Variants in SEMA7A observed in about 807,000 individuals in gnomAD.
SEMA7A encodes semaphorin 7A (JohnMiltonHagen blood group).
In SEMA7A, 21 loss-of-function variants were observed where a neutral mutation model predicts 67.5. The ratio of observed to expected loss-of-function variants is 0.31; its 90% CI spans 0.22 to 0.45. The LOEUF (loss-of-function observed/expected upper bound fraction) is 0.45, where lower values mean the gene tolerates loss of function less well. Ranked by LOEUF, SEMA7A falls within the 20% of genes least tolerant of loss-of-function variation. The pLI is 1.00. For synonymous variants in SEMA7A, 364 were observed against 368.5 expected (o/e 0.99, Z 0.14); for missense variants, 774 against 908.6 (o/e 0.85, Z 1.90).
intron 1 of SEMA7A, among the ~76,000 whole-genome samples, chr15:74,424,296 T>C (rs1300692252): frequency 1.3e-5 from 2 of 152,154 alleles, no homozygotes; most frequent in Non-Finnish European, 2.9e-5. Flanking sequence ...TGTTTGGGCC[T>C]GGGTTTTATG....
At position 74,414,431 on chromosome 15, in the gene SEMA7A, C is replaced by G; in HGVS notation, c.1294+116G>C. ...CACATTAACCCCTGACAACTCCAGT[C>G]ACTCAATTATTCCTTCCACATGTAA... On this transcript the variant is annotated intron_variant, in intron 10 of 13. Coordinates refer to ENST00000261918, the MANE Select transcript of SEMA7A (RefSeq NM_003612.5). This position sits in a 1 kb window ranked among gnomAD's most constrained non-coding sequence, Gnocchi z 4.1. 9.2e-7 allele frequency: 1 copy of G among 1,088,112 alleles called. No individual in the cohort carries two copies. Among genetic ancestry groups the G allele is most frequent in the Non-Finnish European group, 1.4e-6 (1 of 726,772 alleles). 67.4% of individuals were successfully genotyped at this position (1,088,112 alleles called of 1,614,324 possible).
At chr15:74,432,629 C>T (rs919797748) in intron 1 of SEMA7A, among the ~76,000 whole-genome samples, 3 of 152,066 alleles carry the variant, frequency 2.0e-5, no homozygotes, top group African/African-American at 7.2e-5. Context: ...ATAATACCTG[C>T]CCCAGATAAT....
chr15:74,420,318 G>A (rs553309292), intron 1 of SEMA7A, among the ~76,000 whole-genome samples: 7 of 152,272 alleles, frequency 4.6e-5, no homozygotes, highest in South Asian at 2.1e-4. Context: ...GTGGCCTGGC[G>A]CACTGTGCAG....
At chr15:74,418,209 G>A (rs2141279044) in intron 3 of SEMA7A, 59 bp downstream of exon 3, 1 of 1,540,438 alleles carries the variant, frequency 6.5e-7, no homozygotes. Flanking sequence ...TAGACCCTCA[G>A]GGTCTCCTCT....
Position 74,414,624 on chromosome 15 carries a change from T to C in SEMA7A, c.1217A>G (p.Tyr406Cys). 6.2e-7 allele frequency: 1 copy of C among 1,614,150 alleles called. No individual in the cohort carries two copies. ...GTGGACGGCCACTTTCTGGTAGTGG[T>C]ATTTAGAGTGGAACAATGGCGTCTT... ...PLKTPLFHSK[Y>C]HYQKVAVHRM... The change falls in exon 10 of 14, where the codon TAC becomes TGC. Residue 406 changes from tyrosine to cysteine, a missense_variant. Physicochemically the swap from Tyr to Cys is radical, Grantham distance 194 (BLOSUM62 -2). Around this residue, in one of 2 missense-constraint regions of SEMA7A, gnomAD observed 427 missense variants for 555.4 expected, o/e 0.77. Coordinates refer to ENST00000261918, the MANE Select transcript of SEMA7A (RefSeq NM_003612.5). The surrounding 1 kb of genome is among the most constrained non-coding windows in gnomAD (Gnocchi z 4.1).
At chr15:74,429,718 A>G (rs2061071609) in intron 1 of SEMA7A, among the ~76,000 whole-genome samples, 1 of 151,972 alleles carries the variant, frequency 6.6e-6, no homozygotes, top group African/African-American at 2.4e-5. Flanking sequence ...ACCTATGCCC[A>G]TCTGGACAAG....
chr15:74,418,128 T>C (rs965491853), intron 3 of SEMA7A, 140 bp downstream of exon 3: 10 of 1,147,472 alleles, frequency 8.7e-6, no homozygotes, highest in Admixed American at 3.8e-5. Flanking sequence ...GCTGACGCCA[T>C]CCCCTAAGCA....
chr15:74,432,851 G>A (rs561232170), intron 1 of SEMA7A, among the ~76,000 whole-genome samples: 1 of 152,042 alleles, frequency 6.6e-6, no homozygotes, highest in African/African-American at 2.4e-5. Flanking sequence ...TCAGTTCCTC[G>A]CGGCAGAAAG....
Position 74,414,719 on chromosome 15 carries a change from G to A in SEMA7A, c.1122C>T (p.Pro374=). The change falls in exon 10 of 14, where the codon CCC becomes CCT. Residue 374 remains proline, a synonymous_variant. Coordinates refer to ENST00000261918, the MANE Select transcript of SEMA7A (RefSeq NM_003612.5). The surrounding 1 kb of genome is among the most constrained non-coding windows in gnomAD (Gnocchi z 4.1). ...GKCLPDQQPI[P]TETFQVADRH... is the part of the protein sequence containing the mutation. ...GGTCAGCCACCTGGAAGGTCTCTGTGGGTATCGGCTGCTGGTCTGGGAGGC... is the reference window on the plus strand; with the variant it reads ...GGTCAGCCACCTGGAAGGTCTCTGTAGGTATCGGCTGCTGGTCTGGGAGGC... 4 of 1,614,190 alleles carry A rather than the reference G, an allele frequency of 2.5e-6. No individual in the cohort carries two copies. The highest frequency in any genetic ancestry group is 3.4e-6 in the Non-Finnish European group (4 of 1,180,056).
chr15:74,420,655 C>T (rs992734573), intron 1 of SEMA7A, among the ~76,000 whole-genome samples: 3 of 152,172 alleles, frequency 2.0e-5, no homozygotes, highest in African/African-American at 7.2e-5. Flanking sequence ...CCTGCTCCCC[C>T]TCCCTTCCTG....
chr15:74,410,378 T>G lies in SEMA7A; in HGVS notation c.*246A>C, dbSNP rs1477183713. 2 of 510,122 alleles carry G rather than the reference T, an allele frequency of 3.9e-6. No homozygotes were observed. Among genetic ancestry groups the G allele is most frequent in the East Asian group, 6.3e-5 (2 of 31,838 alleles). 31.6% of individuals were successfully genotyped at this position (510,122 alleles called of 1,614,324 possible). A position where few individuals can be genotyped will look rare whatever the true frequency, so the allele number is the denominator to read the frequency against. On this transcript the variant is annotated 3_prime_UTR_variant, in exon 14 of 14. Transcript: ENST00000261918. This position sits in a 1 kb window ranked among gnomAD's most constrained non-coding sequence, Gnocchi z 7.5. ...AAATATTTTCCAGAAGATAAAGTCT[T>G]GGGTCATCGATGCCCCAGCTTCACA...
intron 1 of SEMA7A, among the ~76,000 whole-genome samples, chr15:74,426,190 G>A (rs375800270): frequency 1.6e-4 from 24 of 152,240 alleles, no homozygotes; most frequent in East Asian, 1.5e-3. Context: ...CAGAAGAATC[G>A]CTTGAACCCA....
rs77220698 is a variant in SEMA7A at position 74,423,643 on chromosome 15, C to A, written c.179-4691G>T. On this transcript the variant is annotated intron_variant, in intron 1 of 13. Coordinates refer to ENST00000261918, the MANE Select transcript of SEMA7A (RefSeq NM_003612.5). This position sits in a 1 kb window ranked among gnomAD's most constrained non-coding sequence, Gnocchi z 4.1. ...AACCTGATAACTAAAGGGAATCACC[C>A]GCCCACCCACCTTCCAGGTGAGGCC... Among the ~76,000 whole-genome samples the A allele has an allele frequency of 6.6e-6, 1 of 152,188 alleles. No homozygotes were observed. Among genetic ancestry groups the A allele is most frequent in the East Asian group, 1.9e-4 (1 of 5,190 alleles).
Position 74,415,036 on chromosome 15 carries a change from A to C in SEMA7A, c.987-90T>G. ...CAGGCCAGCCTTGTGCCTGGCACTG[A>C]GTTGCCAACCACCACTGAAAATGGG... is the stretch of plus-strand genomic sequence containing the variant. On this transcript the variant is annotated intron_variant, in intron 8 of 13. Transcript: ENST00000261918. 2.9e-6 allele frequency: 3 copies of C among 1,029,538 alleles called. No homozygotes were observed. The South Asian group carries it at 4.0e-5, about 14-fold the overall frequency. 63.8% of individuals were successfully genotyped at this position (1,029,538 alleles called of 1,614,324 possible).
intron 6 of SEMA7A, among the ~76,000 whole-genome samples, chr15:74,416,917 T>C (rs1217913100): frequency 1.3e-5 from 2 of 152,184 alleles, no homozygotes; most frequent in Non-Finnish European, 2.9e-5. Flanking sequence ...GCCCTCTTCC[T>C]ACAAAGATGT....
In SEMA7A at chr15:74,415,881, C is replaced by A. The variant is rs756730481; in HGVS notation, c.906G>T (p.Arg302Ser). 2 of 1,614,116 alleles carry A rather than the reference C, an allele frequency of 1.2e-6. No homozygotes were observed. Among genetic ancestry groups the A allele is most frequent in the East Asian group, 4.5e-5 (2 of 44,884 alleles). The change falls in exon 8 of 14, where the codon AGG becomes AGT. Residue 302 changes from arginine to serine, a missense_variant. Transcript: ENST00000261918. ...SDAATNKNFN[R>S]LQDVFLLPDP... is the part of the protein sequence containing the mutation. ...CAGGGAGCAGGAAGACGTCTTGCAG[C>A]CTGTTGAAGTTCTTGTTGGTGGCAG...
intron 1 of SEMA7A, chr15:74,433,522 C>A (rs935651563): frequency 1.7e-6 from 2 of 1,197,004 alleles, no homozygotes; most frequent in Non-Finnish European, 1.0e-6. Context: ...CTCCGGCCCC[C>A]GCCGCTCGCT....
intron 1 of SEMA7A, 134 bp downstream of exon 1, chr15:74,433,607 A>ACGCGGGGACAG (rs1049894344): frequency 1.4e-5 from 18 of 1,270,852 alleles, no homozygotes; most frequent in South Asian, 1.0e-4. Flanking sequence ...CACACGCTCC[A>ACGCGGGGACAG]CGCGGGGACA....
chr15:74,414,954 G>A lies in SEMA7A; in HGVS notation c.987-8C>T. 4 of 1,611,740 alleles carry A rather than the reference G, an allele frequency of 2.5e-6. No individual in the cohort carries two copies. The South Asian group carries it at 3.3e-5, about 13-fold the overall frequency. On this transcript the variant is annotated splice_region_variant and splice_polypyrimidine_tract_variant and intron_variant, in intron 8 of 13. Transcript: ENST00000261918. The surrounding 1 kb of genome is among the most constrained non-coding windows in gnomAD (Gnocchi z 4.1). Reference sequence around the variant, plus strand: ...CAGACGGCTGAGTAGTTCCTGCAGTGACATGGAGACCAGCTCAATGGGGGG... The same window carrying A: ...CAGACGGCTGAGTAGTTCCTGCAGTAACATGGAGACCAGCTCAATGGGGGG...
Sources: gnomAD v4.1 joint callset for allele counts (sites outside exome capture counted in the v4.1 genomes callset) on GRCh38, gnomAD v4.1.1 for gene constraint, gnomAD v4.1.1 regional missense constraint, Gnocchi (gnomAD v3.1) non-coding constraint, MANE v1.5 for transcripts, NCBI Gene and HGNC (gene_info 2026-07-23, HGNC 2026-07-21) for gene names.